TM9SF2: variants seen among roughly 807,000 people sequenced by gnomAD.
The protein encoded by TM9SF2 is transmembrane 9 superfamily member 2.
Under a neutral mutation model 84.9 loss-of-function variants are expected in TM9SF2, and 13 were observed. The observed-to-expected ratio is 0.15, with a 90% CI of 0.10 to 0.24. TM9SF2 has a LOEUF of 0.24. Ranked by LOEUF, TM9SF2 falls within the 10% of genes least tolerant of loss-of-function variation. TM9SF2 has a pLI of 1.00. For synonymous variants in TM9SF2, 273 were observed against 285.8 expected (o/e 0.96, Z 0.45); for missense variants, 562 against 818.5 (o/e 0.69, Z 3.82).
chr13:99,541,104 T>G lies in TM9SF2; in HGVS notation c.908+311T>G, dbSNP rs376772315. Among the ~76,000 whole-genome samples, 184 of 152,374 alleles carry G rather than the reference T, an allele frequency of 1.2e-3. 1 individual carries two copies. Among genetic ancestry groups the G allele is most frequent in the South Asian group, 7.5e-3 (36 of 4,832 alleles). On this transcript the variant is annotated intron_variant, in intron 8 of 16. Coordinates refer to ENST00000376387, the MANE Select transcript of TM9SF2 (RefSeq NM_004800.3). ...CAGAAGCCGCTGTTGTTGCTATGAC[T>G]TTATTATTATCCCCTTCAAACATGA...
At chr13:99,525,439 G>A (rs1470124302) in intron 3 of TM9SF2, among the ~76,000 whole-genome samples, 1 of 151,692 alleles carries the variant, frequency 6.6e-6, no homozygotes. Context: ...ACAGGGCTTT[G>A]CCATGTTGGC....
rs1422455506 is a variant in TM9SF2 at position 99,547,922 on chromosome 13, A to C, written c.1270+818A>C. Among the ~76,000 whole-genome samples, 4 of 152,164 alleles carry C rather than the reference A, an allele frequency of 2.6e-5. No homozygotes were observed. The East Asian group carries it at 5.8e-4, about 22-fold the overall frequency. ...AGCCCCCAGTAAAAGATTAACTTAG[A>C]CCTTGTCAGACACAGTTCTCTCTTG... On this transcript the variant is annotated intron_variant, in intron 11 of 16. Transcript: ENST00000376387.
chr13:99,509,081 A>G (rs2046102200), intron 1 of TM9SF2, among the ~76,000 whole-genome samples: 1 of 152,202 alleles, frequency 6.6e-6, no homozygotes, highest in Non-Finnish European at 1.5e-5. Flanking sequence ...TGTAAAATAA[A>G]AAAGCAAAAA....
At chr13:99,554,225 A>G in intron 13 of TM9SF2, 79 bp from the exon 14 acceptor site, 1 of 1,504,992 alleles carries the variant, frequency 6.6e-7, no homozygotes, top group East Asian at 2.3e-5. Flanking sequence ...GAAAAAAAGC[A>G]GGCAAATAAT....
At chr13:99,525,953 C>T (rs1357449111) in intron 3 of TM9SF2, among the ~76,000 whole-genome samples, 2 of 152,138 alleles carry the variant, frequency 1.3e-5, no homozygotes, top group African/African-American at 2.4e-5. Flanking sequence ...GAAGGATTGC[C>T]GTGGGTGTCC....
intron 6 of TM9SF2, 72 bp downstream of exon 6, chr13:99,537,935 T>C (rs1043131920): frequency 6.6e-7 from 1 of 1,505,972 alleles, no homozygotes; most frequent in Non-Finnish European, 8.8e-7. Flanking sequence ...TATTTGGGGC[T>C]CAATTACTCC....
At chr13:99,535,823 C>T (rs1218800605) in intron 4 of TM9SF2, among the ~76,000 whole-genome samples, 2 of 152,114 alleles carry the variant, frequency 1.3e-5, no homozygotes, top group Non-Finnish European at 2.9e-5. Flanking sequence ...CGCAGGGGGC[C>T]ACATGCTTGG....
intron 4 of TM9SF2, among the ~76,000 whole-genome samples, chr13:99,530,038 C>T (rs1269763873): frequency 6.6e-6 from 1 of 150,822 alleles, no homozygotes; most frequent in Non-Finnish European, 1.5e-5. Flanking sequence ...ATGTCTAAAA[C>T]AACTCTGTAA....
At chr13:99,549,878 G>T (rs980412552) in intron 12 of TM9SF2, among the ~76,000 whole-genome samples, 1 of 152,176 alleles carries the variant, frequency 6.6e-6, no homozygotes, top group African/African-American at 2.4e-5. Context: ...CCATTTGCAG[G>T]CTAGAAATGC....
intron 1 of TM9SF2, among the ~76,000 whole-genome samples, chr13:99,516,683 C>T (rs1328656697): frequency 6.6e-6 from 1 of 152,112 alleles, no homozygotes; most frequent in Admixed American, 6.6e-5. Context: ...CTCCCTCTAC[C>T]CTGTTGTTGA....
intron 5 of TM9SF2, 87 bp from the exon 6 acceptor site, chr13:99,537,652 T>A (rs1028346259): frequency 2.8e-6 from 3 of 1,065,648 alleles, no homozygotes; most frequent in Non-Finnish European, 3.9e-6. Context: ...TAAATTTTCT[T>A]ACTTGTTGTA....
chr13:99,552,349 A>C (rs770610313), intron 13 of TM9SF2, 23 bp downstream of exon 13: 6 of 1,600,252 alleles, frequency 3.7e-6, no homozygotes, highest in Admixed American at 3.4e-5. Flanking sequence ...GTGTTAACTT[A>C]TTCAGGTGAA....
chr13:99,502,068 C>T (rs2139063844), intron 1 of TM9SF2, among the ~76,000 whole-genome samples: 1 of 152,304 alleles, frequency 6.6e-6, no homozygotes, highest in East Asian at 1.9e-4. Context: ...CCGTGTGGAG[C>T]GCCCTTGGAG....
chr13:99,520,123 A>G lies in TM9SF2; in HGVS notation c.327A>G (p.Pro109=), dbSNP rs767746545. The change falls in exon 3 of 17, where the codon CCA becomes CCG. Residue 109 remains proline, a synonymous_variant. Transcript: ENST00000376387. ...VLFGERIEPS[P]YKFTFNKKET... is the part of the protein sequence containing the mutation. ...TCGGGGAAAGAATTGAACCTTCACC[A>G]TATAAGGTTTGTATTTAGTGTTACA... 1.9e-6 allele frequency: 3 copies of G among 1,611,194 alleles called. 1 individual carries two copies.
intron 3 of TM9SF2, among the ~76,000 whole-genome samples, chr13:99,522,415 T>G (rs528617160): frequency 6.6e-6 from 1 of 152,172 alleles, no homozygotes; most frequent in Non-Finnish European, 1.5e-5. Flanking sequence ...CCTAATGGGA[T>G]GAAGTCATTG....
chr13:99,523,705 A>T (rs7998855), intron 3 of TM9SF2, among the ~76,000 whole-genome samples: 3,768 of 152,296 alleles, frequency 0.025, 162 homozygotes, highest in African/African-American at 0.086. Flanking sequence ...AGGCACTGTG[A>T]TGGGATACAG....
At chr13:99,548,637 T>C (rs139713013) in intron 11 of TM9SF2, among the ~76,000 whole-genome samples, 33 of 152,284 alleles carry the variant, frequency 2.2e-4, no homozygotes, top group African/African-American at 7.5e-4. Context: ...ACATGGTCTG[T>C]CAAATGGTCA....
At chr13:99,509,967 A>G (rs2046106181) in intron 1 of TM9SF2, among the ~76,000 whole-genome samples, 1 of 152,190 alleles carries the variant, frequency 6.6e-6, no homozygotes, top group African/African-American at 2.4e-5. Flanking sequence ...CCTTCAGCTA[A>G]GATAGGCTGT....
At position 99,537,824 on chromosome 13, in the gene TM9SF2, T is replaced by C; in HGVS notation, c.677T>C (p.Met226Thr). The C allele has an allele frequency of 1.9e-6, 3 of 1,610,872 alleles. No homozygotes were observed. Among genetic ancestry groups the C allele is most frequent in the Non-Finnish European group, 2.5e-6 (3 of 1,179,338 alleles). The change falls in exon 6 of 17, where the codon ATG becomes ACG. Residue 226 changes from methionine to threonine, a missense_variant. By Grantham distance (81) the Met-to-Thr change is moderately conservative (BLOSUM62 -1). Around this residue, in one of 4 missense-constraint regions of TM9SF2, gnomAD observed 267 missense variants for 316.7 expected, o/e 0.84. Coordinates refer to ENST00000376387, the MANE Select transcript of TM9SF2 (RefSeq NM_004800.3). ...TATCATGTTGTTGAAACTGGGTCCATGGGAGCAAGATTAGTGGCTGCTAAA... is the reference window on the plus strand; with the variant it reads ...TATCATGTTGTTGAAACTGGGTCCACGGGAGCAAGATTAGTGGCTGCTAAA... ...IYYHVVETGS[M>T]GARLVAAKLE...
Sources: allele counts gnomAD v4.1 joint callset (sites outside exome capture counted in the v4.1 genomes callset), GRCh38; gene constraint gnomAD v4.1.1; regional missense constraint gnomAD v4.1.1; transcripts MANE v1.5; gene names NCBI Gene and HGNC (gene_info 2026-07-23, HGNC 2026-07-21).